The following LZTS3 variants were observed in gnomAD, a reference collection of about 807,000 sequenced individuals.
LZTS3 encodes leucine zipper putative tumor suppressor 3.
A neutral mutation model predicts 50.9 loss-of-function variants in LZTS3; 16 were observed. The observed-to-expected ratio is 0.31, with a 90% CI of 0.21 to 0.48. The LOEUF (loss-of-function observed/expected upper bound fraction) is 0.48. LZTS3 is among the 20% of genes least tolerant of loss of function. LZTS3 has a pLI of 0.99. For synonymous variants in LZTS3, 408 were observed against 410.6 expected, an observed-to-expected ratio of 0.99 and a Z score of 0.08; for missense variants, 816 against 931.0, an observed-to-expected ratio of 0.88 and a Z score of 1.61.
Position 3,164,296 on chromosome 20 carries a change from G to T in LZTS3, c.*158C>A. 1.4e-6 allele frequency: 1 copy of T among 707,116 alleles called. No homozygotes were observed. The highest frequency in any genetic ancestry group is 2.1e-6 in the Non-Finnish European group (1 of 473,090). The allele number at this position is 707,116 out of a possible 1,614,324, so 43.8% of individuals were successfully genotyped here. A position where few individuals can be genotyped will look rare whatever the true frequency, so the allele number is the denominator to read the frequency against. On this transcript the variant is annotated 3_prime_UTR_variant, in exon 5 of 5. Coordinates refer to ENST00000337576, the MANE Select transcript of LZTS3 (RefSeq NM_001365618.1). ...CACGGGGGCAGTGCTGGAGCTAGGA[G>T]GGCAGGTGGGGAGGGAGGAACCTGG...
In LZTS3 at chr20:3,167,193, G is replaced by A; in HGVS notation, c.-18-12C>T. ...AAGCCAGGGGGGCACTGTGGGCACA[G>A]GTGGGAAGGCAGAGATAGGTAAGAC... On this transcript the variant is annotated splice_polypyrimidine_tract_variant and intron_variant, in intron 2 of 4. Transcript: ENST00000337576. 6.9e-7 allele frequency: 1 copy of A among 1,445,574 alleles called. No homozygotes were observed. Among genetic ancestry groups the A allele is most frequent in the South Asian group, 1.5e-5 (1 of 68,720 alleles). 89.5% of individuals were successfully genotyped at this position (1,445,574 alleles called of 1,614,324 possible). A position where few individuals can be genotyped will look rare whatever the true frequency, so the allele number is the denominator to read the frequency against.
chr20:3,166,630 C>T, intron 3 of LZTS3, 75 bp downstream of exon 3: 1 of 1,540,486 alleles, frequency 6.5e-7, no homozygotes, highest in Non-Finnish European at 8.8e-7. Flanking sequence ...CAAGAAGGCC[C>T]ACTTTGCCTT....
chr20:3,164,354 G>A lies in LZTS3; in HGVS notation c.*100C>T. 7.7e-7 allele frequency: 1 copy of A among 1,298,464 alleles called. No homozygotes were observed. The highest frequency in any genetic ancestry group is 2.8e-5 in the Admixed American group (1 of 35,296). The allele number at this position is 1,298,464 out of a possible 1,614,324, so 80.4% of individuals were successfully genotyped here. A position where few individuals can be genotyped will look rare whatever the true frequency, so the allele number is the denominator to read the frequency against. ...TGCTTAGAGAACCTCTTTGGTCTGG[G>A]GTTATGGGGTCTATGGGGAAGAGAG... On this transcript the variant is annotated 3_prime_UTR_variant, in exon 5 of 5. Transcript: ENST00000337576.
chr20:3,165,784 C>T lies in LZTS3; in HGVS notation c.1036G>A (p.Glu346Lys), dbSNP rs769332874. The change falls in exon 4 of 5, where the codon GAG (glutamate) becomes AAG (lysine). Residue 346 changes from glutamate (E) to lysine (K), a missense_variant. Physicochemically the swap from Glu to Lys is moderately conservative, Grantham distance 56. Coordinates refer to ENST00000337576, the MANE Select transcript of LZTS3 (RefSeq NM_001365618.1). The surrounding 1 kb of genome is among the most constrained non-coding windows in gnomAD (Gnocchi z 5.0). ...AALRRSLEQSEAAVAQVLEER... is the reference protein window; with the variant it reads ...AALRRSLEQSKAAVAQVLEER... ...TCCAGTACCTGGGCCACAGCCGCCT[C>T]GCTCTGCTCCAGGCTGCGCCGCAGA... 6.9e-6 allele frequency: 11 copies of T among 1,588,442 alleles called. 1 individual carries two copies. Among genetic ancestry groups the T allele is most frequent in the South Asian group, 3.4e-5 (3 of 89,474 alleles).
rs755543046 is a variant in LZTS3 at position 3,166,027 on chromosome 20, C to A, written c.793G>T (p.Gly265Cys). ...SYGSGSGGSS[G>C]GGSGYQDLGT... Reference sequence around the variant, plus strand: ...AGGTCCTGGTAGCCCGACCCCCCACCGCTGCTGCCGCCACTACCACTACCA... The same window carrying A: ...AGGTCCTGGTAGCCCGACCCCCCACAGCTGCTGCCGCCACTACCACTACCA... The change falls in exon 4 of 5, where the codon GGT becomes TGT. Residue 265 changes from glycine (G) to cysteine (C), a missense_variant. Coordinates refer to ENST00000337576, the MANE Select transcript of LZTS3 (RefSeq NM_001365618.1). The A allele has an allele frequency of 6.2e-7, 1 of 1,612,272 alleles. No homozygotes were observed. The highest frequency in any genetic ancestry group is 1.1e-5 in the South Asian group (1 of 90,880).
At chr20:3,171,910 G>A (rs916394822) in intron 1 of LZTS3, among the ~76,000 whole-genome samples, 8 of 152,118 alleles carry the variant, frequency 5.3e-5, no homozygotes, top group African/African-American at 1.7e-4. Flanking sequence ...CAGTATTAGC[G>A]TCATGAGGGG....
intron 3 of LZTS3, 119 bp downstream of exon 3, chr20:3,166,586 C>A: frequency 7.5e-7 from 1 of 1,335,298 alleles, no homozygotes; most frequent in Non-Finnish European, 1.0e-6. Context: ...GACTCCCCAG[C>A]CCAGCCTCCA....
intron 1 of LZTS3, among the ~76,000 whole-genome samples, chr20:3,170,748 G>A (rs569560279): frequency 1.7e-4 from 26 of 151,576 alleles, no homozygotes; most frequent in Non-Finnish European, 3.1e-4. Flanking sequence ...AGCCAAGATC[G>A]CACCACTGCA....
chr20:3,164,868 G>T lies in LZTS3; in HGVS notation c.1608C>A (p.Cys536Ter). ...GGCGCATCTTAGCCTCGTCGCTCTC[G>T]CAGGTGGCCAGAGCATCCTGTGGCT... ...PAEPQDALAT[C>*]ESDEAKMRRQ... Residue 536 changes from cysteine to a stop codon, truncating the protein, a stop_gained, in exon 5 of 5, where the codon TGC becomes TGA. Coordinates refer to ENST00000337576, the MANE Select transcript of LZTS3 (RefSeq NM_001365618.1). LOFTEE classifies it high-confidence loss of function. 1.3e-6 allele frequency: 2 copies of T among 1,556,112 alleles called. No individual in the cohort carries two copies. The highest frequency in any genetic ancestry group is 2.3e-5 in the East Asian group (1 of 42,882).
rs1304206339 is a variant in LZTS3 at position 3,165,010 on chromosome 20, T to A, written c.1466A>T (p.Glu489Val). 1 of 1,558,544 alleles carries A rather than the reference T, an allele frequency of 6.4e-7. No individual in the cohort carries two copies. The highest frequency in any genetic ancestry group is 8.7e-7 in the Non-Finnish European group (1 of 1,153,688). Residue 489 changes from glutamate to valine, a missense_variant, in exon 5 of 5, where the codon GAG becomes GTG. Coordinates refer to ENST00000337576, the MANE Select transcript of LZTS3 (RefSeq NM_001365618.1). This position sits in a 1 kb window ranked among gnomAD's most constrained non-coding sequence, Gnocchi z 5.0. ...EGRASLREKEEQLLSLRDSFS... is the reference protein window; with the variant it reads ...EGRASLREKEVQLLSLRDSFS... ...GGAGTCCCGCAGGCTGAGCAGCTGC[T>A]CCTCCTTCTCCCGCAGCGAAGCCCG... is the stretch of plus-strand genomic sequence containing the variant.
Position 3,165,393 on chromosome 20 carries a change from C to G in LZTS3, c.1323+104G>C. On this transcript the variant is annotated intron_variant, in intron 4 of 4. Transcript: ENST00000337576. This position sits in a 1 kb window ranked among gnomAD's most constrained non-coding sequence, Gnocchi z 5.0. ...TTTTTGTCCCCCCTGCTCCTTTCAT[C>G]CCCCCCCCCATCCCACCGTTATGAT... 111 of 560,464 alleles carry G rather than the reference C, an allele frequency of 2.0e-4. No individual in the cohort carries two copies. Among genetic ancestry groups the G allele is most frequent in the Non-Finnish European group, 2.5e-4 (106 of 418,076 alleles). 34.7% of individuals were successfully genotyped at this position (560,464 alleles called of 1,614,324 possible).
At position 3,165,827 on chromosome 20, in the gene LZTS3, C is replaced by T; in HGVS notation, c.993G>A (p.Lys331=). ...IQELEERLWE[K]EQEVAALRRS... ...GCCGCAGAGCTGCCACCTCCTGCTC[C>T]TTCTCCCACAGCCGCTCCTCCAGCT... Residue 331 remains lysine, a synonymous_variant, in exon 4 of 5, where the codon AAG becomes AAA. Transcript: ENST00000337576. This position sits in a 1 kb window ranked among gnomAD's most constrained non-coding sequence, Gnocchi z 5.0. 1 of 1,602,910 alleles carries T rather than the reference C, an allele frequency of 6.2e-7. No homozygotes were observed. Among genetic ancestry groups the T allele is most frequent in the Non-Finnish European group, 8.5e-7 (1 of 1,179,002 alleles).
chr20:3,164,997 G>T lies in LZTS3; in HGVS notation c.1479C>A (p.Ser493Arg). 1 of 1,557,196 alleles carries T rather than the reference G, an allele frequency of 6.4e-7. No homozygotes were observed. Residue 493 changes from serine (S) to arginine (R), a missense_variant, in exon 5 of 5, where the codon AGC becomes AGA. This residue lies in a region of LZTS3 where 700 missense variants were observed against 769.4 expected (regional missense o/e 0.91). Coordinates refer to ENST00000337576, the MANE Select transcript of LZTS3 (RefSeq NM_001365618.1). ...GCTTGCTGCTGAAGGAGTCCCGCAG[G>T]CTGAGCAGCTGCTCCTCCTTCTCCC... Reference protein sequence around the residue: ...SLREKEEQLLSLRDSFSSKQA... With the variant: ...SLREKEEQLLRLRDSFSSKQA...
In LZTS3 at chr20:3,165,396, C is replaced by CG. The variant is rs1243925565; in HGVS notation, c.1323+100_1323+101insC. 159 of 1,126,266 alleles carry CG rather than the reference C, an allele frequency of 1.4e-4. 3 individuals carry two copies. Among genetic ancestry groups the CG allele is most frequent in the Middle Eastern group, 9.7e-4 (3 of 3,092 alleles). The allele number at this position is 1,126,266 out of a possible 1,614,324, so 69.8% of individuals were successfully genotyped here. On this transcript the variant is annotated intron_variant, in intron 4 of 4. Coordinates refer to ENST00000337576, the MANE Select transcript of LZTS3 (RefSeq NM_001365618.1). The surrounding 1 kb of genome is among the most constrained non-coding windows in gnomAD (Gnocchi z 5.0). ...TTGTCCCCCCTGCTCCTTTCATCCC[C>CG]CCCCCCATCCCACCGTTATGATAGT...
intron 2 of LZTS3, 80 bp downstream of exon 2, chr20:3,167,658 C>T: frequency 1.0e-6 from 1 of 987,990 alleles, no homozygotes; most frequent in Non-Finnish European, 1.2e-6. Flanking sequence ...AACAGGGAAC[C>T]AACCTCAGAA....
Position 3,165,286 on chromosome 20 carries a change from C to T in LZTS3, c.1324-134G>A, listed in dbSNP as rs2066794066. The T allele has an allele frequency of 3.4e-6, 4 of 1,170,158 alleles. No individual in the cohort carries two copies. The highest frequency in any genetic ancestry group is 2.6e-5 in the East Asian group (1 of 38,374). 72.5% of individuals were successfully genotyped at this position (1,170,158 alleles called of 1,614,324 possible). A position where few individuals can be genotyped will look rare whatever the true frequency, so the allele number is the denominator to read the frequency against. On this transcript the variant is annotated intron_variant, in intron 4 of 4. Transcript: ENST00000337576. This position sits in a 1 kb window ranked among gnomAD's most constrained non-coding sequence, Gnocchi z 5.0. ...GCTCAGCCCCTCATCAGCAGCGACG[C>T]ACCCGATTCCCTGCCTGGACTCAAG... is the stretch of plus-strand genomic sequence containing the variant.
In LZTS3 at chr20:3,164,267, C is replaced by T. The variant is rs1277603911; in HGVS notation, c.*187G>A. On this transcript the variant is annotated 3_prime_UTR_variant, in exon 5 of 5. Coordinates refer to ENST00000337576, the MANE Select transcript of LZTS3 (RefSeq NM_001365618.1). ...CTCCTTTTAGGGGGGTCCAAGTGGG[C>T]TGCCACGGGGGCAGTGCTGGAGCTA... 4 of 549,484 alleles carry T rather than the reference C, an allele frequency of 7.3e-6. No individual in the cohort carries two copies. The Admixed American group carries it at 1.3e-4, about 17-fold the overall frequency. The allele number at this position is 549,484 out of a possible 1,614,324, so 34.0% of individuals were successfully genotyped here.
At position 3,164,859 on chromosome 20, in the gene LZTS3, G is replaced by C. The variant is rs1485551829; in HGVS notation, c.1617C>G (p.Asp539Glu). The change falls in exon 5 of 5, where the codon GAC (aspartate) becomes GAG (glutamate). Residue 539 changes from aspartate (D) to glutamate (E), a missense_variant. By Grantham distance (45) the Asp-to-Glu change is conservative. Transcript: ENST00000337576. The part of the protein sequence containing the change: ...PQDALATCES[D>E]EAKMRRQAGV... ...CGGCCTGACGGCGCATCTTAGCCTC[G>C]TCGCTCTCGCAGGTGGCCAGAGCAT... 1.3e-6 allele frequency: 2 copies of C among 1,557,016 alleles called. No individual in the cohort carries two copies. Among genetic ancestry groups the C allele is most frequent in the Non-Finnish European group, 8.6e-7 (1 of 1,157,550 alleles).
Position 3,164,524 on chromosome 20 carries a change from G to C in LZTS3, c.1952C>G (p.Pro651Arg), listed in dbSNP as rs1395107584. Reference protein sequence around the residue: ...GAAGGASTPTPQHGEEKKAWT... With the variant: ...GAAGGASTPTRQHGEEKKAWT... ...GGCCTTCTTCTCCTCGCCATGCTGG[G>C]GAGTGGGCGTGCTTGCACCCCCTGC... Residue 651 changes from proline (P) to arginine (R), a missense_variant, in exon 5 of 5, where the codon CCC becomes CGC. Physicochemically the swap from Pro to Arg is moderately radical, Grantham distance 103. Transcript: ENST00000337576. The C allele has an allele frequency of 3.1e-6, 5 of 1,597,342 alleles. No homozygotes were observed. Among genetic ancestry groups the C allele is most frequent in the Non-Finnish European group, 1.7e-6 (2 of 1,171,924 alleles).
Sources: allele counts gnomAD v4.1 joint callset (sites outside exome capture counted in the v4.1 genomes callset), GRCh38; gene constraint gnomAD v4.1.1; regional missense constraint gnomAD v4.1.1; non-coding constraint Gnocchi (gnomAD v3.1); transcripts MANE v1.5; gene names NCBI Gene and HGNC (gene_info 2026-07-23, HGNC 2026-07-21).